Variants in G6PC1 observed in about 807,000 individuals in gnomAD.
G6PC1 encodes the protein glucose-6-phosphatase catalytic subunit 1.
G6PC1 carries 23 observed loss-of-function variants against 30.4 expected under a neutral mutation model. The ratio of observed to expected loss-of-function variants is 0.76; its 90% CI spans 0.55 to 1.07. The LOEUF (loss-of-function observed/expected upper bound fraction) is 1.07, where lower values mean the gene tolerates loss of function less well. G6PC1 is among the 50% of genes least tolerant of loss of function. The probability of loss-of-function intolerance (pLI) is 0.00; values close to 1 mark genes in which losing one functional copy is unlikely to be tolerated. For missense variants in G6PC1, 391 were observed against 433.9 expected, an observed-to-expected ratio of 0.90 and a Z score of 0.88; for synonymous variants, 163 against 175.6, an observed-to-expected ratio of 0.93 and a Z score of 0.57.
chr17:42,909,504 C>T, intron 4 of G6PC1, 86 bp downstream of exon 4: 2 of 967,906 alleles, frequency 2.1e-6, no homozygotes, highest in Non-Finnish European at 3.4e-6. Context: ...AGCATTCCAG[C>T]CACATCCTGT....
At chr17:42,909,203 A>T in intron 3 of G6PC1, 100 bp from the exon 4 acceptor site, 1 of 887,604 alleles carries the variant, frequency 1.1e-6, no homozygotes, top group Non-Finnish European at 1.9e-6. Flanking sequence ...TTCCACTGAG[A>T]GCACCTAAGT....
intron 3 of G6PC1, 76 bp from the exon 4 acceptor site, chr17:42,909,227 A>G: frequency 1.4e-5 from 16 of 1,115,814 alleles, no homozygotes; most frequent in Non-Finnish European, 2.1e-5. Context: ...CCAGGCTCCA[A>G]CATTTCTGCA....
rs2056092654 is a variant in G6PC1, at chr17:42,911,116, C to T, written c.764C>T (p.Thr255Ile). 1.9e-6 allele frequency: 3 copies of T among 1,614,156 alleles called. No homozygotes were observed. The highest frequency in any genetic ancestry group is 2.5e-6 in the Non-Finnish European group (3 of 1,180,022). Residue 255 changes from threonine to isoleucine, a missense_variant, in exon 5 of 5, where the codon ACC (threonine) becomes ATC (isoleucine). Physicochemically the swap from Thr to Ile is moderately conservative, Grantham distance 89 (BLOSUM62 -1). Coordinates refer to ENST00000253801, the MANE Select transcript of G6PC1 (RefSeq NM_000151.4). ...CEQPEWVHID[T>I]TPFASLLKNL... ...CAGCCAGAATGGGTCCACATTGACA[C>T]CACACCCTTTGCCAGCCTCCTCAAG...
chr17:42,903,145 A>G (rs530789682), intron 1 of G6PC1, among the ~76,000 whole-genome samples: 1 of 147,134 alleles, frequency 6.8e-6, no homozygotes, highest in African/African-American at 2.5e-5. Flanking sequence ...GCAGTGGCAT[A>G]ATCTCGGCTC....
At chr17:42,901,823 G>C (rs1351123941) in intron 1 of G6PC1, among the ~76,000 whole-genome samples, 1 of 152,100 alleles carries the variant, frequency 6.6e-6, no homozygotes, top group Non-Finnish European at 1.5e-5. Context: ...TCCAGCCCTC[G>C]TTCTGCCACC....
At chr17:42,909,255 T>C in intron 3 of G6PC1, 48 bp from the exon 4 acceptor site, 1 of 1,369,512 alleles carries the variant, frequency 7.3e-7, no homozygotes, top group South Asian at 1.2e-5. Flanking sequence ...TTTTCTTTGC[T>C]GAAGGATCTG....
intron 2 of G6PC1, among the ~76,000 whole-genome samples, chr17:42,904,746 GAC>G (rs1396369745): frequency 6.6e-6 from 1 of 152,210 alleles, no homozygotes; most frequent in Non-Finnish European, 1.5e-5. Context: ...GAACAACACA[GAC>G]ACAAAGATCC....
At position 42,911,630 on chromosome 17, in the gene G6PC1, T is replaced by C; in HGVS notation, c.*204T>C. 1 of 686,932 alleles carries C rather than the reference T, an allele frequency of 1.5e-6. No individual in the cohort carries two copies. Among genetic ancestry groups the C allele is most frequent in the Non-Finnish European group, 2.5e-6 (1 of 407,824 alleles). The allele number at this position is 686,932 out of a possible 1,614,324, so 42.6% of individuals were successfully genotyped here. ...TCCAGCCTGCCCTCAGCACAGACTC[T>C]TTCAGATGGAGGTGCCATATCACGT... is the stretch of plus-strand genomic sequence containing the variant. On this transcript the variant is annotated 3_prime_UTR_variant, in exon 5 of 5. Coordinates refer to ENST00000253801, the MANE Select transcript of G6PC1 (RefSeq NM_000151.4).
At chr17:42,906,301 G>A (rs2056061993) in intron 2 of G6PC1, among the ~76,000 whole-genome samples, 1 of 152,152 alleles carries the variant, frequency 6.6e-6, no homozygotes, top group Admixed American at 6.5e-5. Flanking sequence ...GAGAGGTCCG[G>A]TTGTGATTCT....
intron 1 of G6PC1, among the ~76,000 whole-genome samples, chr17:42,902,147 T>G (rs372509398): frequency 6.6e-6 from 1 of 151,886 alleles, no homozygotes; most frequent in Non-Finnish European, 1.5e-5. Context: ...CGTCCAGTGC[T>G]GATAAACTGA....
Position 42,901,095 on chromosome 17 carries a change from C to T in G6PC1, c.219C>T (p.Leu73=), listed in dbSNP as rs373545775. Residue 73 remains leucine, a synonymous_variant, in exon 1 of 5, where the codon CTC becomes CTT. Coordinates refer to ENST00000253801, the MANE Select transcript of G6PC1 (RefSeq NM_000151.4). ...CTGTGATTGGAGACTGGCTCAACCT[C>T]GTCTTTAAGTGGTAAGAACCATATA... ...WVAVIGDWLN[L]VFKWILFGQR... 7 of 1,613,406 alleles carry T rather than the reference C, an allele frequency of 4.3e-6. No individual in the cohort carries two copies. The highest frequency in any genetic ancestry group is 3.3e-5 in the South Asian group (3 of 91,046).
chr17:42,904,186 C>T (rs2056044696), intron 2 of G6PC1, 146 bp downstream of exon 2: 2 of 705,386 alleles, frequency 2.8e-6, no homozygotes, highest in Non-Finnish European at 5.2e-6. Context: ...TTCACTTCTG[C>T]AATACTTTCC....
In G6PC1 at chr17:42,911,435, G is replaced by T. The variant is rs566247950; in HGVS notation, c.*9G>T. Reference sequence around the variant, plus strand: ...ACAAGAAGTCGTTGTAAGAGATGTGGAGTCTTCGGTGTTTAAAGTCAACAA... The same window carrying T: ...ACAAGAAGTCGTTGTAAGAGATGTGTAGTCTTCGGTGTTTAAAGTCAACAA... On this transcript the variant is annotated 3_prime_UTR_variant, in exon 5 of 5. Coordinates refer to ENST00000253801, the MANE Select transcript of G6PC1 (RefSeq NM_000151.4). The T allele has an allele frequency of 3.1e-6, 5 of 1,614,124 alleles. No individual in the cohort carries two copies. The African/African-American group carries it at 5.3e-5, about 17-fold the overall frequency.
chr17:42,909,452 C>G, intron 4 of G6PC1, 34 bp downstream of exon 4: 7 of 1,491,220 alleles, frequency 4.7e-6, no homozygotes, highest in Non-Finnish European at 6.6e-6. Context: ...CCTTCTCCCC[C>G]AAACCCCATT....
rs1479145406 is a variant in G6PC1, at chr17:42,911,788, A to G, written c.*362A>G. ...TCTTCTGCCAGCCCATTTTGAGGCCAGAGGTGCTGTCAGCTCAGGTGGTCC... is the reference window on the plus strand; with the variant it reads ...TCTTCTGCCAGCCCATTTTGAGGCCGGAGGTGCTGTCAGCTCAGGTGGTCC... On this transcript the variant is annotated 3_prime_UTR_variant, in exon 5 of 5. Coordinates refer to ENST00000253801, the MANE Select transcript of G6PC1 (RefSeq NM_000151.4). 3 of 352,610 alleles carry G rather than the reference A, an allele frequency of 8.5e-6. No homozygotes were observed. Among genetic ancestry groups the G allele is most frequent in the Non-Finnish European group, 1.6e-5 (3 of 186,528 alleles). The allele number at this position is 352,610 out of a possible 1,614,324, so 21.8% of individuals were successfully genotyped here.
At chr17:42,909,463 C>A (rs1022672212) in intron 4 of G6PC1, 45 bp downstream of exon 4, 1 of 1,380,386 alleles carries the variant, frequency 7.2e-7, no homozygotes, top group South Asian at 1.2e-5. Context: ...AAACCCCATT[C>A]CGTTTCTCTC....
chr17:42,905,817 T>C (rs1244654111), intron 2 of G6PC1, among the ~76,000 whole-genome samples: 1 of 151,706 alleles, frequency 6.6e-6, no homozygotes, highest in African/African-American at 2.4e-5. Context: ...CCAACGCAGG[T>C]GGATCACCTG....
Position 42,911,821 on chromosome 17 carries a change from C to A in G6PC1, c.*395C>A. ...TGTCAGCTCAGGTGGTCCTCTTTTACAATCCTAATCATATTGGGTAATGTT... is the reference window on the plus strand; with the variant it reads ...TGTCAGCTCAGGTGGTCCTCTTTTAAAATCCTAATCATATTGGGTAATGTT... On this transcript the variant is annotated 3_prime_UTR_variant, in exon 5 of 5. Transcript: ENST00000253801. 1.1e-5 allele frequency: 3 copies of A among 285,242 alleles called. No individual in the cohort carries two copies. In the South Asian group the frequency reaches 1.2e-4, roughly 12 times the overall value. 17.7% of individuals were successfully genotyped at this position (285,242 alleles called of 1,614,324 possible).
intron 2 of G6PC1, among the ~76,000 whole-genome samples, chr17:42,904,438 T>C (rs1483679788): frequency 6.6e-6 from 1 of 152,176 alleles, no homozygotes; most frequent in Non-Finnish European, 1.5e-5. Flanking sequence ...GTTTTATTAG[T>C]TACAGCCAGA....
Sources: allele counts gnomAD v4.1 joint callset (sites outside exome capture counted in the v4.1 genomes callset), GRCh38; gene constraint gnomAD v4.1.1; transcripts MANE v1.5; gene names NCBI Gene and HGNC (gene_info 2026-07-23, HGNC 2026-07-21).